SLC41A1: variants seen among roughly 807,000 people sequenced by gnomAD.
SLC41A1 encodes the protein solute carrier family 41 (magnesium transporter), member 1.
SLC41A1 carries 20 observed loss-of-function variants against 47.3 expected under a neutral mutation model. That is an observed-to-expected ratio of 0.42 (90% CI 0.30 to 0.61). The LOEUF (loss-of-function observed/expected upper bound fraction) is 0.61. Among genes scored for constraint, SLC41A1 ranks in the 20% least tolerant of loss-of-function variants. The pLI is 0.17. For synonymous variants in SLC41A1, 282 were observed against 272.7 expected, an observed-to-expected ratio of 1.03 and a Z score of -0.34; for missense variants, 504 against 674.1, an observed-to-expected ratio of 0.75 and a Z score of 2.79.
At position 205,791,771 on chromosome 1, in the gene SLC41A1, C is replaced by G. The variant is rs1331510764; in HGVS notation, c.1357-53G>C. 3.8e-6 allele frequency: 6 copies of G among 1,597,488 alleles called. No individual in the cohort carries two copies. Among genetic ancestry groups the G allele is most frequent in the Non-Finnish European group, 5.1e-6 (6 of 1,171,842 alleles). On this transcript the variant is annotated intron_variant, in intron 10 of 10. Transcript: ENST00000367137. The surrounding 1 kb of genome is among the most constrained non-coding windows in gnomAD (Gnocchi z 4.0). ...AGCCATCCTCTCTCTCCAGGGGGAG[C>G]CAGAGGCCACATGATCAGACCCATT...
rs1023024769 is a variant in SLC41A1 at position 205,791,176 on chromosome 1, G to T, written c.*357C>A. The stretch of plus-strand genomic sequence containing the variant: ...AAAAATCCAGAGCCCACTTACAAAG[G>T]GTTTCTCATTAGGGCCAAGACAGGT... On this transcript the variant is annotated 3_prime_UTR_variant, in exon 11 of 11. Coordinates refer to ENST00000367137, the MANE Select transcript of SLC41A1 (RefSeq NM_173854.6). The surrounding 1 kb of genome is among the most constrained non-coding windows in gnomAD (Gnocchi z 4.0). The T allele has an allele frequency of 1.3e-5, 4 of 302,860 alleles. No homozygotes were observed. Among genetic ancestry groups the T allele is most frequent in the Non-Finnish European group, 2.5e-5 (4 of 157,922 alleles). 18.8% of individuals were successfully genotyped at this position (302,860 alleles called of 1,614,324 possible). A position where few individuals can be genotyped will look rare whatever the true frequency, so the allele number is the denominator to read the frequency against.
At position 205,789,571 on chromosome 1, in the gene SLC41A1, G is replaced by T. The variant is rs551023794; in HGVS notation, c.*1962C>A. The T allele has an allele frequency of 1.3e-5, 2 of 152,330 alleles. No homozygotes were observed. Among genetic ancestry groups the T allele is most frequent in the Non-Finnish European group, 2.9e-5 (2 of 68,058 alleles). The allele number at this position is 152,330 out of a possible 1,614,324, so 9.4% of individuals were successfully genotyped here. A position where few individuals can be genotyped will look rare whatever the true frequency, so the allele number is the denominator to read the frequency against. On this transcript the variant is annotated 3_prime_UTR_variant, in exon 11 of 11. Transcript: ENST00000367137. Reference sequence around the variant, plus strand: ...GTGTGTAAGTATTTTTTGAGGTGGAGGAAAAGATGAAAAAAGTCCAGAGGG... The same window carrying T: ...GTGTGTAAGTATTTTTTGAGGTGGATGAAAAGATGAAAAAAGTCCAGAGGG...
intron 2 of SLC41A1, among the ~76,000 whole-genome samples, chr1:205,809,313 A>G (rs1320155746): frequency 6.6e-6 from 1 of 152,160 alleles, no homozygotes; most frequent in African/African-American, 2.4e-5. Context: ...ACCGACTCTC[A>G]TCCTTCATTC....
rs1262119652 is a variant in SLC41A1 at position 205,790,260 on chromosome 1, C to T, written c.*1273G>A. 6.6e-6 allele frequency: 1 copy of T among 152,170 alleles called. No homozygotes were observed. Among genetic ancestry groups the T allele is most frequent in the Non-Finnish European group, 1.5e-5 (1 of 68,048 alleles). 9.4% of individuals were successfully genotyped at this position (152,170 alleles called of 1,614,324 possible). A position where few individuals can be genotyped will look rare whatever the true frequency, so the allele number is the denominator to read the frequency against. Reference sequence around the variant, plus strand: ...TCAAAGGGGCACATGGCCTTTGTAACCTGGAGAATGAGGTGAGGTTAGAGC... The same window carrying T: ...TCAAAGGGGCACATGGCCTTTGTAATCTGGAGAATGAGGTGAGGTTAGAGC... On this transcript the variant is annotated 3_prime_UTR_variant, in exon 11 of 11. Coordinates refer to ENST00000367137, the MANE Select transcript of SLC41A1 (RefSeq NM_173854.6).
In SLC41A1 at chr1:205,810,588, A is replaced by G; in HGVS notation, c.-147T>C. The G allele has an allele frequency of 8.1e-7, 1 of 1,230,268 alleles. No individual in the cohort carries two copies. 76.2% of individuals were successfully genotyped at this position (1,230,268 alleles called of 1,614,324 possible). A position where few individuals can be genotyped will look rare whatever the true frequency, so the allele number is the denominator to read the frequency against. ...CTTCCCACGGCTCTCCACTCCTACC[A>G]GGCACTGCAAAAACTGATCCACCAA... On this transcript the variant is annotated 5_prime_UTR_variant, in exon 2 of 11. Coordinates refer to ENST00000367137, the MANE Select transcript of SLC41A1 (RefSeq NM_173854.6). The surrounding 1 kb of genome is among the most constrained non-coding windows in gnomAD (Gnocchi z 5.5).
Position 205,810,427 on chromosome 1 carries a change from T to C in SLC41A1, c.15A>G (p.Pro5=), listed in dbSNP as rs1656122897. The part of the protein sequence containing the change: MSSK[P]EPKDVHQLNG... ...TCAGTTGGTGGACGTCCTTCGGCTC[T>C]GGCTTAGAGGACATGACAGGCACGG... Residue 5 remains proline, a synonymous_variant, in exon 2 of 11, where the codon CCA becomes CCG. Transcript: ENST00000367137. The surrounding 1 kb of genome is among the most constrained non-coding windows in gnomAD (Gnocchi z 5.5). 2 of 1,614,116 alleles carry C rather than the reference T, an allele frequency of 1.2e-6. No individual in the cohort carries two copies. Among genetic ancestry groups the C allele is most frequent in the African/African-American group, 1.3e-5 (1 of 74,934 alleles).
At chr1:205,795,736 T>G (rs1381787132) in intron 8 of SLC41A1, 2 of 566,282 alleles carry the variant, frequency 3.5e-6, no homozygotes, top group Non-Finnish European at 6.3e-6. Flanking sequence ...AGTTCCATGT[T>G]CCCCTGGCAA....
chr1:205,808,651 C>T (rs536788492), intron 2 of SLC41A1, among the ~76,000 whole-genome samples: 88 of 152,326 alleles, frequency 5.8e-4, no homozygotes, highest in African/African-American at 2.0e-3. Flanking sequence ...GTCCCAGTCC[C>T]GGCCCTAGGG....
chr1:205,804,336 T>C (rs1655964583), intron 2 of SLC41A1, among the ~76,000 whole-genome samples: 1 of 152,066 alleles, frequency 6.6e-6, no homozygotes, highest in Non-Finnish European at 1.5e-5. Context: ...GAGCATACGC[T>C]TGCCTGAGCT....
At chr1:205,795,219 C>G in intron 9 of SLC41A1, 125 bp downstream of exon 9, 4 of 1,522,886 alleles carry the variant, frequency 2.6e-6, no homozygotes, top group Non-Finnish European at 3.6e-6. Context: ...CCCTTCAGAA[C>G]AGCTGGCACA....
At chr1:205,800,900 T>C in intron 3 of SLC41A1, 53 bp downstream of exon 3, 7 of 1,515,196 alleles carry the variant, frequency 4.6e-6, no homozygotes, top group South Asian at 1.1e-5. Flanking sequence ...TCTCTGGCTC[T>C]GTGCTGCCCA....
rs1391380875 is a variant in SLC41A1 at position 205,791,680 on chromosome 1, G to A, written c.1395C>T (p.His465=). ...GGTCCAGGCCCCGGCCCCACATCCA[G>A]TGCACCATCCAGTCTGCGATGTACA... is the stretch of plus-strand genomic sequence containing the variant. ...ILLYIADWMV[H]WMWGRGLDPD... is the part of the protein sequence containing the mutation. Residue 465 remains histidine (H), a synonymous_variant, in exon 11 of 11, where the codon CAC becomes CAT. Transcript: ENST00000367137. The surrounding 1 kb of genome is among the most constrained non-coding windows in gnomAD (Gnocchi z 4.0). 1 of 1,614,002 alleles carries A rather than the reference G, an allele frequency of 6.2e-7. No homozygotes were observed. The highest frequency in any genetic ancestry group is 1.7e-5 in the Admixed American group (1 of 60,004).
At position 205,790,885 on chromosome 1, in the gene SLC41A1, A is replaced by C. The variant is rs1655610749; in HGVS notation, c.*648T>G. The stretch of plus-strand genomic sequence containing the variant: ...TCAGAGGGAGGGGTTGTTGATGTTG[A>C]CCAGGCCATTGAACAAGAGGCATGT... On this transcript the variant is annotated 3_prime_UTR_variant, in exon 11 of 11. Transcript: ENST00000367137. The C allele has an allele frequency of 6.4e-6, 1 of 156,142 alleles. No individual in the cohort carries two copies. Among genetic ancestry groups the C allele is most frequent in the Non-Finnish European group, 1.4e-5 (1 of 70,438 alleles). The allele number at this position is 156,142 out of a possible 1,614,324, so 9.7% of individuals were successfully genotyped here. A position where few individuals can be genotyped will look rare whatever the true frequency, so the allele number is the denominator to read the frequency against.
rs750745947 is a variant in SLC41A1 at position 205,800,926 on chromosome 1, C to T, written c.480+27G>A. 2.5e-6 allele frequency: 4 copies of T among 1,595,084 alleles called. No individual in the cohort carries two copies. In the African/African-American group the frequency reaches 5.4e-5, roughly 21 times the overall value. Reference sequence around the variant, plus strand: ...GTGCTGCCCAGAGTCCTCTCTGTGCCCCACTCCTCCCAGCCAGGATACTCA... The same window carrying T: ...GTGCTGCCCAGAGTCCTCTCTGTGCTCCACTCCTCCCAGCCAGGATACTCA... On this transcript the variant is annotated intron_variant, in intron 3 of 10. Coordinates refer to ENST00000367137, the MANE Select transcript of SLC41A1 (RefSeq NM_173854.6).
intron 1 of SLC41A1, among the ~76,000 whole-genome samples, chr1:205,811,604 T>C (rs1353456129): frequency 6.6e-6 from 1 of 152,172 alleles, no homozygotes; most frequent in Non-Finnish European, 1.5e-5. Context: ...AGGGAGAAAC[T>C]GATTGCTGAG....
At chr1:205,795,905 A>G (rs1461093247) in intron 8 of SLC41A1, 1 of 310,310 alleles carries the variant, frequency 3.2e-6, no homozygotes, top group African/African-American at 2.2e-5. Flanking sequence ...CTCTGAGCAG[A>G]CCCAGGCATC....
intron 8 of SLC41A1, chr1:205,796,566 C>G (rs1208321033): frequency 3.1e-6 from 1 of 321,970 alleles, no homozygotes; most frequent in African/African-American, 2.1e-5. Context: ...GCTGCTCAAT[C>G]TTGAACTTCC....
chr1:205,806,991 T>C (rs1205428061), intron 2 of SLC41A1, among the ~76,000 whole-genome samples: 1 of 152,168 alleles, frequency 6.6e-6, no homozygotes, highest in Non-Finnish European at 1.5e-5. Flanking sequence ...TATGGACTCC[T>C]GCTCAGTTGC....
intron 1 of SLC41A1, 88 bp downstream of exon 1, chr1:205,812,719 TC>T (rs754718915): frequency 6.1e-6 from 6 of 985,390 alleles, no homozygotes; most frequent in Non-Finnish European, 7.2e-6. Context: ...CCTCAGTCTC[TC>T]CACCACTCAG....
Sources: allele counts gnomAD v4.1 joint callset (sites outside exome capture counted in the v4.1 genomes callset), GRCh38; gene constraint gnomAD v4.1.1; non-coding constraint Gnocchi (gnomAD v3.1); transcripts MANE v1.5; gene names NCBI Gene and HGNC (gene_info 2026-07-23, HGNC 2026-07-21).